Variants in MYO1D observed in about 807,000 individuals in gnomAD.
The protein encoded by MYO1D is myosin ID.
In MYO1D, 83 loss-of-function variants were observed where a neutral mutation model predicts 122.0. The observed-to-expected ratio is 0.68, with a 90% CI of 0.57 to 0.82. The LOEUF is 0.82. Ranked by LOEUF, MYO1D falls within the 40% of genes least tolerant of loss-of-function variation. The pLI, the probability that MYO1D is intolerant of heterozygous loss-of-function variation, is 0.00. For synonymous variants in MYO1D, 464 were observed against 446.9 expected, an observed-to-expected ratio of 1.04 and a Z score of -0.48; for missense variants, 1,157 against 1,269.5, an observed-to-expected ratio of 0.91 and a Z score of 1.35.
chr17:32,872,811 C>T (rs1018435517), intron 1 of MYO1D, among the ~76,000 whole-genome samples: 1 of 151,814 alleles, frequency 6.6e-6, no homozygotes, highest in East Asian at 1.9e-4. Flanking sequence ...ATTCTCCTGC[C>T]TCAGCCTCCC....
chr17:32,760,733 T>C lies in MYO1D; in HGVS notation c.1036-106A>G, dbSNP rs938118648. On this transcript the variant is annotated intron_variant, in intron 8 of 21. Coordinates refer to ENST00000318217, the MANE Select transcript of MYO1D (RefSeq NM_015194.3). ...CTGTCCACCTTCTCACTGTTTAGCA[T>C]AGCCATTACTGGCCTCAGCAGAACA... 2.9e-5 allele frequency: 34 copies of C among 1,182,148 alleles called. No individual in the cohort carries two copies. In the African/African-American group the frequency reaches 3.8e-4, roughly 13 times the overall value. 73.2% of individuals were successfully genotyped at this position (1,182,148 alleles called of 1,614,324 possible). A position where few individuals can be genotyped will look rare whatever the true frequency, so the allele number is the denominator to read the frequency against.
intron 19 of MYO1D, among the ~76,000 whole-genome samples, chr17:32,653,288 T>C (rs61192855): frequency 7.3e-5 from 11 of 151,680 alleles, no homozygotes; most frequent in African/African-American, 2.7e-4. Flanking sequence ...CGCAATCTAG[T>C]TTTTTTGTTT....
chr17:32,586,638 G>C (rs999001971), intron 21 of MYO1D, among the ~76,000 whole-genome samples: 1 of 151,998 alleles, frequency 6.6e-6, no homozygotes, highest in Non-Finnish European at 1.5e-5. Flanking sequence ...GCTTTCTTTG[G>C]TTGCTTTTTC....
At chr17:32,544,961 A>G (rs2086953530) in intron 21 of MYO1D, among the ~76,000 whole-genome samples, 1 of 152,092 alleles carries the variant, frequency 6.6e-6, no homozygotes, top group Admixed American at 6.6e-5. Context: ...TCTTTCTCCA[A>G]GTTTTCTCTG....
At position 32,870,071 on chromosome 17, in the gene MYO1D, T is replaced by C. The variant is rs368841828; in HGVS notation, c.95+6707A>G. Among the ~76,000 whole-genome samples the C allele has an allele frequency of 5.7e-3, 869 of 152,264 alleles. 6 individuals are homozygous for C. Among genetic ancestry groups the C allele is most frequent in the African/African-American group, 0.019 (780 of 41,550 alleles). Reference sequence around the variant, plus strand: ...AGCAGAAGTCTCCAGGGTCAAGAAATGACCCTGAATAAAAATAGTCTCGGA... The same window carrying C: ...AGCAGAAGTCTCCAGGGTCAAGAAACGACCCTGAATAAAAATAGTCTCGGA... On this transcript the variant is annotated intron_variant, in intron 1 of 21. Transcript: ENST00000318217.
chr17:32,527,301 C>T (rs962865651), intron 21 of MYO1D, among the ~76,000 whole-genome samples: 12 of 152,312 alleles, frequency 7.9e-5, no homozygotes, highest in South Asian at 6.2e-4. Flanking sequence ...TGCATGCTGG[C>T]GAGAGGACTG....
Position 32,653,823 on chromosome 17 carries a change from C to T in MYO1D, c.2595+20G>A. ...ATCAGTCTTTCCTTTCCAAGATGAT[C>T]TGGTTTAAGCTTGCCTTACCTTACG... On this transcript the variant is annotated intron_variant, in intron 19 of 21. Coordinates refer to ENST00000318217, the MANE Select transcript of MYO1D (RefSeq NM_015194.3). The T allele has an allele frequency of 6.3e-7, 1 of 1,588,692 alleles. No homozygotes were observed. The highest frequency in any genetic ancestry group is 2.2e-5 in the East Asian group (1 of 44,718).
At chr17:32,624,954 C>A (rs1051413767) in intron 20 of MYO1D, among the ~76,000 whole-genome samples, 1 of 152,196 alleles carries the variant, frequency 6.6e-6, no homozygotes, top group Non-Finnish European at 1.5e-5. Context: ...CTATGTCCAG[C>A]TAATTTTTGT....
chr17:32,705,203 T>G (rs1014478321), intron 16 of MYO1D, among the ~76,000 whole-genome samples: 10 of 152,168 alleles, frequency 6.6e-5, no homozygotes, highest in African/African-American at 2.4e-4. Context: ...GTGAAACCTG[T>G]GTATACAGCG....
rs751074931 is a variant in MYO1D at position 32,776,040 on chromosome 17, G to A, written c.399-11C>T. The A allele has an allele frequency of 3.1e-6, 5 of 1,603,318 alleles. No individual in the cohort carries two copies. The Admixed American group carries it at 8.8e-5, about 28-fold the overall frequency. ...AACATATTCTTCACTCTTTAACACA[G>A]ATAAATGAAAGTCATTATAAAAACT... On this transcript the variant is annotated splice_polypyrimidine_tract_variant and intron_variant, in intron 3 of 21. Transcript: ENST00000318217.
chr17:32,564,255 T>C (rs1159072948), intron 21 of MYO1D, among the ~76,000 whole-genome samples: 1 of 152,202 alleles, frequency 6.6e-6, no homozygotes, highest in Non-Finnish European at 1.5e-5. Flanking sequence ...CCATATGGGC[T>C]GAGAAGGGGG....
At chr17:32,689,020 C>T (rs1011789554) in intron 16 of MYO1D, among the ~76,000 whole-genome samples, 1 of 151,836 alleles carries the variant, frequency 6.6e-6, no homozygotes, top group Admixed American at 6.6e-5. Context: ...TATCCCAAAA[C>T]GTTAACAGTG....
chr17:32,758,805 T>C (rs1338375332), intron 10 of MYO1D, among the ~76,000 whole-genome samples: 3 of 152,218 alleles, frequency 2.0e-5, no homozygotes, highest in Non-Finnish European at 2.9e-5. Context: ...ATGTAGTAAG[T>C]AACTGTTACC....
At chr17:32,717,399 C>A (rs942932122) in intron 15 of MYO1D, among the ~76,000 whole-genome samples, 1 of 152,214 alleles carries the variant, frequency 6.6e-6, no homozygotes, top group Non-Finnish European at 1.5e-5. Flanking sequence ...CCCACCCTTA[C>A]AATCAGTACT....
chr17:32,697,889 T>A (rs2089193586), intron 16 of MYO1D, among the ~76,000 whole-genome samples: 1 of 152,230 alleles, frequency 6.6e-6, no homozygotes. Context: ...TCTGAACACA[T>A]CACCTTTGTG....
intron 13 of MYO1D, among the ~76,000 whole-genome samples, chr17:32,739,061 T>C (rs979966797): frequency 6.6e-6 from 1 of 152,190 alleles, no homozygotes; most frequent in East Asian, 1.9e-4. Flanking sequence ...AAATTGTATA[T>C]TCATAATTTT....
chr17:32,680,810 C>A (rs952026893), intron 16 of MYO1D, among the ~76,000 whole-genome samples: 12 of 152,158 alleles, frequency 7.9e-5, no homozygotes, highest in African/African-American at 2.2e-4. Flanking sequence ...TGATTGGAAT[C>A]ATTTCAGAAG....
chr17:32,560,079 AC>A (rs762077334), intron 21 of MYO1D, among the ~76,000 whole-genome samples: 109 of 152,036 alleles, frequency 7.2e-4, no homozygotes, highest in East Asian at 3.1e-3. Flanking sequence ...ACATGGTGAA[AC>A]CCCCATCTCT....
At chr17:32,807,086 C>T (rs2090521066) in intron 1 of MYO1D, among the ~76,000 whole-genome samples, 1 of 152,170 alleles carries the variant, frequency 6.6e-6, no homozygotes, top group South Asian at 2.1e-4. Flanking sequence ...ATTTCTCAAA[C>T]TTGAATTTAT....
Sources: allele counts gnomAD v4.1 joint callset (sites outside exome capture counted in the v4.1 genomes callset), GRCh38; gene constraint gnomAD v4.1.1; transcripts MANE v1.5; gene names NCBI Gene and HGNC (gene_info 2026-07-23, HGNC 2026-07-21).